The following EPB41L1 variants were observed in gnomAD, a reference collection of about 807,000 sequenced individuals.
The protein encoded by EPB41L1 is erythrocyte membrane protein band 4.1 like 1.
EPB41L1 carries 29 observed loss-of-function variants against 97.8 expected under a neutral mutation model. The observed-to-expected ratio is 0.30, with a 90% CI of 0.22 to 0.40. The LOEUF (loss-of-function observed/expected upper bound fraction) is 0.40. Among genes scored for constraint, EPB41L1 ranks in the 10% least tolerant of loss-of-function variants. The probability of loss-of-function intolerance (pLI) is 1.00; values close to 1 mark genes in which losing one functional copy is unlikely to be tolerated. For synonymous variants in EPB41L1, 383 were observed against 459.2 expected (o/e 0.83, Z 2.12); for missense variants, 812 against 1,162.3 (o/e 0.70, Z 4.38).
chr20:36,127,020 G>A (rs73097432), intron 2 of EPB41L1, among the ~76,000 whole-genome samples: 2,236 of 152,290 alleles, frequency 0.015, 14 homozygotes, highest in Middle Eastern at 0.027. Flanking sequence ...CACAGCCCCC[G>A]GCCCATCTCA....
chr20:36,190,570 C>A lies in EPB41L1; in HGVS notation c.1125-52C>A, dbSNP rs374493062. ...AGGCCAGCTGTGGTCTAACCTTGGG[C>A]CTGGCAGTGCAGGTCTGATTCCTCC... is the stretch of plus-strand genomic sequence containing the variant. On this transcript the variant is annotated intron_variant, in intron 10 of 21. Coordinates refer to ENST00000338074, the MANE Select transcript of EPB41L1 (RefSeq NM_012156.2). The surrounding 1 kb of genome is among the most constrained non-coding windows in gnomAD (Gnocchi z 5.8). 1.9e-6 allele frequency: 3 copies of A among 1,609,072 alleles called. No individual in the cohort carries two copies. Among genetic ancestry groups the A allele is most frequent in the East Asian group, 2.2e-5 (1 of 44,852 alleles).
At chr20:36,150,262 G>A (rs2059998852), upstream of EPB41L1, among the ~76,000 whole-genome samples, 1 of 151,886 alleles carries the variant, frequency 6.6e-6, no homozygotes, top group Non-Finnish European at 1.5e-5. Flanking sequence ...GTAGAGATGG[G>A]GTTTTACCAT....
intron 2 of EPB41L1, among the ~76,000 whole-genome samples, chr20:36,130,419 C>T (rs2059152401): frequency 6.6e-6 from 1 of 152,158 alleles, no homozygotes. Context: ...ATCATCAGTA[C>T]TGTCCTGCAT....
At chr20:36,132,938 G>A (rs530878462) in intron 2 of EPB41L1, among the ~76,000 whole-genome samples, 9 of 152,358 alleles carry the variant, frequency 5.9e-5, no homozygotes, top group South Asian at 2.1e-4. Context: ...GTGTGTACAC[G>A]TGCTTGTGGG....
At chr20:36,182,744 A>G (rs948462033) in intron 6 of EPB41L1, among the ~76,000 whole-genome samples, 1 of 152,268 alleles carries the variant, frequency 6.6e-6, no homozygotes, top group Non-Finnish European at 1.5e-5. Flanking sequence ...CAACAAATGC[A>G]AACTTTAAAA....
In EPB41L1 at chr20:36,178,688, T is replaced by C. The variant is rs756580851; in HGVS notation, c.490+16T>C. 7.4e-6 allele frequency: 12 copies of C among 1,613,684 alleles called. No individual in the cohort carries two copies. Among genetic ancestry groups the C allele is most frequent in the Non-Finnish European group, 8.5e-6 (10 of 1,179,790 alleles). On this transcript the variant is annotated intron_variant, in intron 5 of 21. Transcript: ENST00000338074. ...CAGATCCGGAGTGAGTGGCTTGTTGTGTTTGGGGAGGTGGGTGGGTGAGGG... is the reference window on the plus strand; with the variant it reads ...CAGATCCGGAGTGAGTGGCTTGTTGCGTTTGGGGAGGTGGGTGGGTGAGGG...
intron 1 of EPB41L1, among the ~76,000 whole-genome samples, chr20:36,098,041 T>C (rs2057890024): frequency 6.6e-6 from 1 of 152,190 alleles, no homozygotes; most frequent in South Asian, 2.1e-4. Flanking sequence ...CCTGGAGACC[T>C]GGGCACAGAG....
rs573229607 is a variant in EPB41L1, at chr20:36,173,704, T to A, written c.-14-60T>A. The A allele has an allele frequency of 4.6e-5, 70 of 1,510,692 alleles. 1 individual carries two copies. In the South Asian group the frequency reaches 6.6e-4, roughly 14 times the overall value. 93.6% of individuals were successfully genotyped at this position (1,510,692 alleles called of 1,614,324 possible). On this transcript the variant is annotated intron_variant, in intron 1 of 21. Transcript: ENST00000338074. ...TCTCTCCGCGTGTGGTTCCTGCCCC[T>A]CTCGCTGTCATACCATTGCTGTCCC...
At chr20:36,203,186 C>T (rs1447268862) in intron 14 of EPB41L1, among the ~76,000 whole-genome samples, 1 of 152,198 alleles carries the variant, frequency 6.6e-6, no homozygotes, top group African/African-American at 2.4e-5. Flanking sequence ...GCCTTCGCAC[C>T]GTGGAAGTTT....
chr20:36,208,105 G>A (rs969810912), intron 14 of EPB41L1, among the ~76,000 whole-genome samples: 2 of 152,138 alleles, frequency 1.3e-5, no homozygotes, highest in African/African-American at 4.8e-5. Context: ...TTGCCTTGCC[G>A]CTCATACCCG....
intron 14 of EPB41L1, among the ~76,000 whole-genome samples, chr20:36,201,174 C>T (rs182842535): frequency 1.3e-5 from 2 of 152,352 alleles, no homozygotes; most frequent in African/African-American, 4.8e-5. Context: ...AAAGGGCCAG[C>T]CCCTCCCTCA....
chr20:36,175,848 C>T (rs1364258887), intron 3 of EPB41L1, 133 bp downstream of exon 3: 3 of 939,642 alleles, frequency 3.2e-6, no homozygotes, highest in Non-Finnish European at 5.0e-6. Flanking sequence ...AGAGAGATGA[C>T]CTGGCTCGGA....
chr20:36,176,168 C>T (rs1026097411), intron 3 of EPB41L1, among the ~76,000 whole-genome samples: 19 of 152,192 alleles, frequency 1.2e-4, no homozygotes, highest in African/African-American at 4.6e-4. Context: ...AAACTAGTCA[C>T]CTGAGGGTTC....
rs1351330978 is a variant in EPB41L1 at position 36,206,217 on chromosome 20, C to A, written c.1669-3271C>A. ...AGGGCTCTGAGCTCAGGGCAGACAC[C>A]AGAGAGGCAACCATCAGGAACCGCT... On this transcript the variant is annotated intron_variant, in intron 14 of 21. Transcript: ENST00000338074. This position sits in a 1 kb window ranked among gnomAD's most constrained non-coding sequence, Gnocchi z 5.5. The A allele has an allele frequency of 1.6e-6, 2 of 1,289,782 alleles. No individual in the cohort carries two copies. Among genetic ancestry groups the A allele is most frequent in the Admixed American group, 4.6e-5 (2 of 43,556 alleles). The allele number at this position is 1,289,782 out of a possible 1,614,324, so 79.9% of individuals were successfully genotyped here. A position where few individuals can be genotyped will look rare whatever the true frequency, so the allele number is the denominator to read the frequency against.
Position 36,190,806 on chromosome 20 carries a change from C to A in EPB41L1, c.1300+9C>A, listed in dbSNP as rs749890775. 3 of 1,613,358 alleles carry A rather than the reference C, an allele frequency of 1.9e-6. No homozygotes were observed. In the Admixed American group the frequency reaches 5.0e-5, roughly 27 times the overall value. On this transcript the variant is annotated intron_variant, in intron 11 of 21. Transcript: ENST00000338074. This position sits in a 1 kb window ranked among gnomAD's most constrained non-coding sequence, Gnocchi z 5.8. Reference sequence around the variant, plus strand: ...CCGCAGCCTTGATGGAGGTATGGCCCAAATTGGAGGGCTGGGCGGGGAATG... The same window carrying A: ...CCGCAGCCTTGATGGAGGTATGGCCAAAATTGGAGGGCTGGGCGGGGAATG...
chr20:36,217,666 A>C (rs149505310), intron 17 of EPB41L1, among the ~76,000 whole-genome samples: 1 of 152,278 alleles, frequency 6.6e-6, no homozygotes, highest in African/African-American at 2.4e-5. Flanking sequence ...GAAAGGAAGC[A>C]TTGAGCCCGG....
At chr20:36,198,474 C>A (rs968732318) in intron 14 of EPB41L1, among the ~76,000 whole-genome samples, 1 of 152,212 alleles carries the variant, frequency 6.6e-6, no homozygotes, top group Admixed American at 6.5e-5. Context: ...CAGAACCAGA[C>A]CCTGTTGTGC....
At chr20:36,168,832 G>C (rs1025174280) in intron 1 of EPB41L1, among the ~76,000 whole-genome samples, 3 of 152,030 alleles carry the variant, frequency 2.0e-5, no homozygotes, top group African/African-American at 7.2e-5. Flanking sequence ...TATTACAGGC[G>C]TGAGCCGCCA....
chr20:36,201,359 A>T (rs2062488520), intron 14 of EPB41L1, among the ~76,000 whole-genome samples: 1 of 152,146 alleles, frequency 6.6e-6, no homozygotes, highest in South Asian at 2.1e-4. Context: ...GGGTCATGCT[A>T]GAGGCAGGCT....
Sources: gnomAD v4.1 joint callset for allele counts (sites outside exome capture counted in the v4.1 genomes callset) on GRCh38, gnomAD v4.1.1 for gene constraint, Gnocchi (gnomAD v3.1) non-coding constraint, MANE v1.5 for transcripts, NCBI Gene and HGNC (gene_info 2026-07-23, HGNC 2026-07-21) for gene names.